Variants in CENPE observed in about 807,000 individuals in gnomAD.
CENPE encodes the protein centromere-associated protein E.
A neutral mutation model predicts 336.1 loss-of-function variants in CENPE; 145 were observed. The ratio of observed to expected loss-of-function variants is 0.43; its 90% CI spans 0.38 to 0.50. The LOEUF (loss-of-function observed/expected upper bound fraction) is 0.50. Ranked by LOEUF, CENPE falls within the 20% of genes least tolerant of loss-of-function variation. The pLI is 0.00. For synonymous variants in CENPE, 1,013 were observed against 984.8 expected (o/e 1.03, Z -0.54); for missense variants, 2,719 against 3,023.3 (o/e 0.90, Z 2.36).
intron 39 of CENPE, 124 bp from the exon 40 acceptor site, chr4:103,136,483 C>A (rs1393715208): frequency 3.5e-6 from 2 of 577,246 alleles, no homozygotes; most frequent in African/African-American, 1.9e-5. Flanking sequence ...GAAATAAAGA[C>A]CTTTGTGTCT....
chr4:103,146,551 C>G (rs1028479220), intron 29 of CENPE, among the ~76,000 whole-genome samples: 18 of 152,108 alleles, frequency 1.2e-4, no homozygotes, highest in African/African-American at 4.1e-4. Context: ...TATGGAGGTA[C>G]TGCAGGTAGA....
At chr4:103,188,734 T>G (rs1282102622) in intron 8 of CENPE, among the ~76,000 whole-genome samples, 1 of 151,816 alleles carries the variant, frequency 6.6e-6, no homozygotes, top group Non-Finnish European at 1.5e-5. Flanking sequence ...TTAAAAGAAC[T>G]AGAAAAGCAA....
Position 103,175,976 on chromosome 4 carries a change from G to C in CENPE, c.1463C>G (p.Thr488Arg), listed in dbSNP as rs149119830. ...TLSEIEWNPA[T>R]KLLNQENIES... ...TTAAGTTACCTGATTTAGTAGCTTT[G>C]TTGCTGGATTCCATTCTATCTCACT... Residue 488 changes from threonine (T) to arginine (R), a missense_variant, in exon 15 of 49, where the codon ACA becomes AGA. By Grantham distance (71) the Thr-to-Arg change is moderately conservative. Around this residue, in one of 5 missense-constraint regions of CENPE, gnomAD observed 2,437 missense variants for 2,513.3 expected, o/e 0.97. Transcript: ENST00000265148. 1.9e-6 allele frequency: 3 copies of C among 1,597,416 alleles called. No homozygotes were observed. In the Admixed American group the frequency reaches 5.1e-5, roughly 27 times the overall value.
At chr4:103,135,288 G>A (rs1487649523) in intron 40 of CENPE, among the ~76,000 whole-genome samples, 1 of 152,090 alleles carries the variant, frequency 6.6e-6, no homozygotes, top group Non-Finnish European at 1.5e-5. Context: ...AAATCTAAAT[G>A]TCTACTTGGT....
chr4:103,146,421 G>A (rs1445662501), intron 29 of CENPE, among the ~76,000 whole-genome samples: 1 of 152,180 alleles, frequency 6.6e-6, no homozygotes, highest in Non-Finnish European at 1.5e-5. Flanking sequence ...TAGAGATGCT[G>A]GCTTCTCCTA....
In CENPE at chr4:103,141,807, A is replaced by G; in HGVS notation, c.5406T>C (p.Asp1802=). ...KLRGIVSEKT[D]KLSNMQKDLE... is the part of the protein sequence containing the mutation. Reference sequence around the variant, plus strand: ...AATCTTTTTGCATATTTGATAGTTTATCTGTCTTCTCAGAAACAATTCCTC... The same window carrying G: ...AATCTTTTTGCATATTTGATAGTTTGTCTGTCTTCTCAGAAACAATTCCTC... Residue 1802 remains aspartate (D), a synonymous_variant, in exon 35 of 49, where the codon GAT becomes GAC. Transcript: ENST00000265148. 1 of 1,576,094 alleles carries G rather than the reference A, an allele frequency of 6.3e-7. No individual in the cohort carries two copies. Among genetic ancestry groups the G allele is most frequent in the Non-Finnish European group, 8.7e-7 (1 of 1,149,502 alleles).
Position 103,174,850 on chromosome 4 carries a change from T to C in CENPE, c.1533A>G (p.Val511=). ...NSLRADYDNL[V]LDYEQLRTEK... ...CTGTTCGTAGTTGTTCATAGTCTAA[T>C]ACCAGATTATCATAGTCAGCACGAA... is the stretch of plus-strand genomic sequence containing the variant. Residue 511 remains valine, a synonymous_variant, in exon 16 of 49, where the codon GTA becomes GTG. Coordinates refer to ENST00000265148, the MANE Select transcript of CENPE (RefSeq NM_001813.3). 5.2e-6 allele frequency: 8 copies of C among 1,533,524 alleles called. No individual in the cohort carries two copies. Among genetic ancestry groups the C allele is most frequent in the Middle Eastern group, 1.8e-4 (1 of 5,570 alleles). 95.0% of individuals were successfully genotyped at this position (1,533,524 alleles called of 1,614,324 possible). A position where few individuals can be genotyped will look rare whatever the true frequency, so the allele number is the denominator to read the frequency against.
chr4:103,181,581 C>T, intron 11 of CENPE, 125 bp from the exon 12 acceptor site: 1 of 739,954 alleles, frequency 1.4e-6, no homozygotes, highest in South Asian at 2.0e-5. Context: ...TGGCTTAATA[C>T]TTTTGAACAA....
chr4:103,173,942 G>A (rs968898952), intron 16 of CENPE, among the ~76,000 whole-genome samples: 2 of 151,740 alleles, frequency 1.3e-5, no homozygotes, highest in Admixed American at 6.6e-5. Flanking sequence ...ACAGTATGAC[G>A]GTTCCTCAAC....
At chr4:103,170,483 G>C (rs1228456361) in intron 16 of CENPE, among the ~76,000 whole-genome samples, 1 of 152,078 alleles carries the variant, frequency 6.6e-6, no homozygotes, top group South Asian at 2.1e-4. Context: ...AAAATAACCT[G>C]CATAACTGTA....
intron 45 of CENPE, among the ~76,000 whole-genome samples, chr4:103,115,609 G>A (rs1190859224): frequency 2.0e-5 from 3 of 152,134 alleles, no homozygotes; most frequent in Admixed American, 1.3e-4. Flanking sequence ...AATGAAAAGT[G>A]TTAAAAGCCA....
chr4:103,179,351 A>G (rs1481098738), intron 13 of CENPE, among the ~76,000 whole-genome samples: 1 of 152,178 alleles, frequency 6.6e-6, no homozygotes, highest in African/African-American at 2.4e-5. Flanking sequence ...TCACATTCAA[A>G]TCCCTCAAGG....
At chr4:103,194,472 A>G (rs1376424427) in intron 6 of CENPE, 31 bp from the exon 7 acceptor site, 1 of 1,518,414 alleles carries the variant, frequency 6.6e-7, no homozygotes, top group Admixed American at 1.9e-5. Context: ...TCAGCTGCAT[A>G]TATAATAAAA....
At chr4:103,149,639 G>A (rs1423860346) in intron 26 of CENPE, among the ~76,000 whole-genome samples, 3 of 152,170 alleles carry the variant, frequency 2.0e-5, no homozygotes, top group Non-Finnish European at 4.4e-5. Flanking sequence ...AGTCTTTGCA[G>A]ATGTAATTGG....
At chr4:103,174,682 T>A (rs1755704232) in intron 16 of CENPE, 54 bp downstream of exon 16, 1 of 1,234,660 alleles carries the variant, frequency 8.1e-7, no homozygotes, top group African/African-American at 1.6e-5. Flanking sequence ...AAAAAGAGAA[T>A]ACTTCTTTTA....
At chr4:103,114,763 C>T (rs1469345247) in intron 45 of CENPE, among the ~76,000 whole-genome samples, 1 of 152,204 alleles carries the variant, frequency 6.6e-6, no homozygotes, top group African/African-American at 2.4e-5. Flanking sequence ...GGTGCAGGGA[C>T]AGTCCGATTT....
intron 47 of CENPE, 28 bp downstream of exon 47, chr4:103,110,800 A>G (rs775499430): frequency 1.2e-5 from 18 of 1,524,508 alleles, no homozygotes; most frequent in Non-Finnish European, 1.8e-6. Context: ...CGTAAGCATA[A>G]TATCCGTATC....
chr4:103,153,170 T>C lies in CENPE; in HGVS notation c.3114A>G (p.Ile1038Met). The change falls in exon 25 of 49, where the codon ATA becomes ATG. Residue 1038 changes from isoleucine (I) to methionine (M), a missense_variant. This residue lies in a region of CENPE where 2,437 missense variants were observed against 2,513.3 expected (regional missense o/e 0.97). Transcript: ENST00000265148. ...TLTADVKDNE[I>M]IEQQRKIFSL... ...AAAATATCTTCCTTTGTTGCTCAAT[T>C]ATCTCATTATCCTTAACATCTGCAG... 1 of 1,612,988 alleles carries C rather than the reference T, an allele frequency of 6.2e-7. No individual in the cohort carries two copies. Among genetic ancestry groups the C allele is most frequent in the East Asian group, 2.2e-5 (1 of 44,774 alleles).
chr4:103,165,885 A>G (rs1171323469), intron 16 of CENPE, among the ~76,000 whole-genome samples: 1 of 151,346 alleles, frequency 6.6e-6, no homozygotes, highest in African/African-American at 2.4e-5. Context: ...GTTTTAAAAA[A>G]AAAAAAAAGA....
Sources: gnomAD v4.1 joint callset for allele counts (sites outside exome capture counted in the v4.1 genomes callset) on GRCh38, gnomAD v4.1.1 for gene constraint, gnomAD v4.1.1 regional missense constraint, MANE v1.5 for transcripts, NCBI Gene and HGNC (gene_info 2026-07-23, HGNC 2026-07-21) for gene names.